Variants in FBXL18 observed in about 807,000 individuals in gnomAD.
FBXL18 encodes F-box/LRR-repeat protein 18.
FBXL18 carries 36 observed loss-of-function variants against 46.0 expected under a neutral mutation model. The observed-to-expected ratio is 0.78, with a 90% CI of 0.60 to 1.03. The LOEUF is 1.03. Ranked by LOEUF, FBXL18 falls within the 50% of genes least tolerant of loss-of-function variation. FBXL18 has a pLI of 0.00. For synonymous variants in FBXL18, 557 were observed against 465.3 expected, an observed-to-expected ratio of 1.20 and a Z score of -2.54; for missense variants, 977 against 1,004.1, an observed-to-expected ratio of 0.97 and a Z score of 0.36.
At chr7:5,461,089 A>G (rs1272404222) in intron 4 of FBXL18, among the ~76,000 whole-genome samples, 2 of 151,330 alleles carry the variant, frequency 1.3e-5, no homozygotes, top group South Asian at 4.2e-4. Flanking sequence ...CTGGTGCCCA[A>G]CCCTCCCCGA....
At chr7:5,491,704 C>T (rs1303735643) in intron 3 of FBXL18, among the ~76,000 whole-genome samples, 1 of 152,152 alleles carries the variant, frequency 6.6e-6, no homozygotes, top group Non-Finnish European at 1.5e-5. Flanking sequence ...CTACAGAGCC[C>T]GGCTTCAAGT....
At chr7:5,486,345 G>C (rs1421877140) in intron 4 of FBXL18, among the ~76,000 whole-genome samples, 1 of 151,414 alleles carries the variant, frequency 6.6e-6, no homozygotes, top group Non-Finnish European at 1.5e-5. Context: ...ATTGAACCTG[G>C]GAGGTGGAGG....
At chr7:5,489,481 A>G (rs1783858609) in intron 4 of FBXL18, 2 of 365,464 alleles carry the variant, frequency 5.5e-6, no homozygotes, top group South Asian at 4.1e-5. Context: ...CTAAAAATAC[A>G]AAAATTAGGC....
At chr7:5,458,131 G>A (rs115790753) in intron 4 of FBXL18, among the ~76,000 whole-genome samples, 101 of 152,024 alleles carry the variant, frequency 6.6e-4, no homozygotes, top group African/African-American at 2.0e-3. Context: ...AGGTGGGACC[G>A]TTTCAGGATT....
chr7:5,470,940 T>C (rs1783418307), downstream of FBXL18, among the ~76,000 whole-genome samples: 2 of 152,106 alleles, frequency 1.3e-5, no homozygotes, highest in South Asian at 4.1e-4. Context: ...GCCAATGGTA[T>C]CTGAGTAGGG....
At chr7:5,465,975 G>A (rs954677521) in intron 4 of FBXL18, among the ~76,000 whole-genome samples, 18 of 151,980 alleles carry the variant, frequency 1.2e-4, no homozygotes, top group Non-Finnish European at 2.4e-4. Context: ...CAGCCACTAT[G>A]CCCAGCTAAT....
intron 4 of FBXL18, among the ~76,000 whole-genome samples, chr7:5,460,667 G>T (rs1369130845): frequency 6.6e-6 from 1 of 152,164 alleles, no homozygotes; most frequent in African/African-American, 2.4e-5. Context: ...TGGCCAGGCT[G>T]GTCTTGAACT....
intron 4 of FBXL18, among the ~76,000 whole-genome samples, chr7:5,467,192 A>T (rs1358378641): frequency 6.6e-6 from 1 of 152,134 alleles, no homozygotes; most frequent in Non-Finnish European, 1.5e-5. Flanking sequence ...TCTACTAAAA[A>T]TACAAAAAAT....
intron 3 of FBXL18, 101 bp from the exon 4 acceptor site, chr7:5,491,550 G>A: frequency 9.8e-7 from 1 of 1,023,954 alleles, no homozygotes; most frequent in Non-Finnish European, 1.4e-6. Context: ...CCTGGCCTGG[G>A]GCCCAGCCCA....
At chr7:5,472,488 A>G (rs1783442924), downstream of FBXL18, among the ~76,000 whole-genome samples, 2 of 152,178 alleles carry the variant, frequency 1.3e-5, no homozygotes, top group Non-Finnish European at 2.9e-5. Flanking sequence ...AGGAAGCCCA[A>G]CTAGCCTATG....
chr7:5,463,257 T>C (rs997845336), intron 4 of FBXL18, among the ~76,000 whole-genome samples: 1 of 151,662 alleles, frequency 6.6e-6, no homozygotes, highest in African/African-American at 2.4e-5. Context: ...CCTGAAAATG[T>C]TGCCGTATGA....
chr7:5,502,084 CG>C, intron 2 of FBXL18, 53 bp from the exon 3 acceptor site: 6 of 1,348,706 alleles, frequency 4.4e-6, no homozygotes, highest in Non-Finnish European at 1.0e-6. Flanking sequence ...AAGGCACCTA[CG>C]GGTCTCCAAC....
chr7:5,462,111 C>G (rs1210209948), intron 4 of FBXL18, among the ~76,000 whole-genome samples: 1 of 151,888 alleles, frequency 6.6e-6, no homozygotes, highest in East Asian at 1.9e-4. Flanking sequence ...ACCTGTAATC[C>G]TAGCTACTCA....
At chr7:5,494,687 T>G (rs1784026766) in intron 3 of FBXL18, among the ~76,000 whole-genome samples, 1 of 152,166 alleles carries the variant, frequency 6.6e-6, no homozygotes, top group Admixed American at 6.5e-5. Context: ...CCTGCTGAGC[T>G]GCAAAGTCAC....
In FBXL18 at chr7:5,454,850, C is replaced by A. The variant is rs965923952; in HGVS notation, c.2001-7007G>T. Among the ~76,000 whole-genome samples, 4 of 152,340 alleles carry A rather than the reference C, an allele frequency of 2.6e-5. No homozygotes were observed. In the South Asian group the frequency reaches 6.2e-4, roughly 24 times the overall value. ...AGACGCCTCCCCCACTGCCCATCAG[C>A]GCAGATGGCCACCCGAGCTGCCAGT... is the stretch of plus-strand genomic sequence containing the variant. On this transcript the variant is annotated intron_variant and NMD_transcript_variant, in intron 4 of 6. Transcript: ENST00000415009.
intron 4 of FBXL18, among the ~76,000 whole-genome samples, chr7:5,482,819 T>A (rs1008008141): frequency 1.3e-5 from 2 of 152,102 alleles, no homozygotes; most frequent in African/African-American, 4.8e-5. Flanking sequence ...GAGGATTGTT[T>A]GAGGCCAGGA....
In FBXL18 at chr7:5,476,059, A is replaced by C. The variant is rs1783505014; in HGVS notation, c.*5716T>G. The C allele has an allele frequency of 6.6e-6, 1 of 152,150 alleles. No individual in the cohort carries two copies. Among genetic ancestry groups the C allele is most frequent in the African/African-American group, 2.4e-5 (1 of 41,410 alleles). 9.4% of individuals were successfully genotyped at this position (152,150 alleles called of 1,614,324 possible). ...GGTCCAGGGAAAGGTCTCCCCTTAA[A>C]ACCACGTGGAGCTCTGCTGTCTCTG... On this transcript the variant is annotated 3_prime_UTR_variant, in exon 5 of 5. Coordinates refer to ENST00000382368, the MANE Select transcript of FBXL18 (RefSeq NM_024963.6).
At chr7:5,493,462 A>AT (rs2128236015) in intron 3 of FBXL18, among the ~76,000 whole-genome samples, 1 of 151,512 alleles carries the variant, frequency 6.6e-6, no homozygotes, top group South Asian at 2.1e-4. Flanking sequence ...CACCCAGCTA[A>AT]TTTTTTGTAT....
At chr7:5,504,812 A>C (rs1784352266) in intron 2 of FBXL18, among the ~76,000 whole-genome samples, 1 of 143,792 alleles carries the variant, frequency 7.0e-6, no homozygotes, top group East Asian at 2.2e-4. Flanking sequence ...GGTACTCGGG[A>C]GGCTGAGGCA....
Sources: allele counts gnomAD v4.1 joint callset (sites outside exome capture counted in the v4.1 genomes callset), GRCh38; gene constraint gnomAD v4.1.1; transcripts MANE v1.5; gene names NCBI Gene and HGNC (gene_info 2026-07-23, HGNC 2026-07-21).